Variants in JMJD1C observed in about 807,000 individuals in gnomAD.
The protein encoded by JMJD1C is jumonji domain-containing protein 1C.
A neutral mutation model predicts 245.3 loss-of-function variants in JMJD1C; 31 were observed. The observed-to-expected ratio is 0.13, with a 90% CI of 0.09 to 0.17. The LOEUF (loss-of-function observed/expected upper bound fraction) is 0.17. JMJD1C is among the 10% of genes least tolerant of loss of function. The pLI, the probability that JMJD1C is intolerant of heterozygous loss-of-function variation, is 1.00. For synonymous variants in JMJD1C, 1,057 were observed against 1,017.4 expected (o/e 1.04, Z -0.74); for missense variants, 2,691 against 3,000.2 (o/e 0.90, Z 2.41).
At chr10:63,200,434 A>G (rs754282886) in intron 11 of JMJD1C, 42 bp downstream of exon 11, 1 of 1,458,612 alleles carries the variant, frequency 6.9e-7, no homozygotes, top group South Asian at 1.2e-5. Flanking sequence ...CCAATATCAA[A>G]TCAATAAATT....
intron 2 of JMJD1C, among the ~76,000 whole-genome samples, chr10:63,345,490 A>C (rs1943733815): frequency 1.9e-5 from 1 of 51,504 alleles, no homozygotes; most frequent in African/African-American, 5.2e-5. Context: ...CTTTGTCTCA[A>C]AAAAAAAAAA....
chr10:63,219,727 T>C (rs984544800), intron 4 of JMJD1C, 151 bp downstream of exon 4: 1 of 517,808 alleles, frequency 1.9e-6, no homozygotes, highest in South Asian at 3.2e-5. Flanking sequence ...TCAAAATTAT[T>C]ATCACTCTGC....
intron 2 of JMJD1C, among the ~76,000 whole-genome samples, chr10:63,299,452 A>T (rs756407290): frequency 6.7e-6 from 1 of 150,260 alleles, no homozygotes; most frequent in Non-Finnish European, 1.5e-5. Flanking sequence ...TCAGCCTCCC[A>T]AAGTGTTGGG....
At chr10:63,492,069 C>G (rs1339115880) in intron 1 of JMJD1C, among the ~76,000 whole-genome samples, 1 of 152,168 alleles carries the variant, frequency 6.6e-6, no homozygotes, top group Non-Finnish European at 1.5e-5. Flanking sequence ...TCTTTCGAGA[C>G]TTTGTCACCC....
At chr10:63,410,140 C>CAG (rs1949399387) in intron 1 of JMJD1C, among the ~76,000 whole-genome samples, 1 of 152,158 alleles carries the variant, frequency 6.6e-6, no homozygotes, top group African/African-American at 2.4e-5. Flanking sequence ...TAACGACAAG[C>CAG]AGACCCTAGG....
In JMJD1C at chr10:63,281,458, CTTTTTTTTTTTTTTTT is replaced by C. The variant is rs71025144; in HGVS notation, c.334-16710_334-16695del. ...ACAGGCGTGAGCCACTGCGCCTGGCCTTTTTTTTTTTTTTTTTTTTTTTTTTTTTTGAGACGGAGTC... is the reference window on the plus strand; with the variant it reads ...ACAGGCGTGAGCCACTGCGCCTGGCCTTTTTTTTTTTTTTGAGACGGAGTC... On this transcript the variant is annotated intron_variant, in intron 2 of 25. Coordinates refer to ENST00000399262, the MANE Select transcript of JMJD1C (RefSeq NM_032776.3). Among the ~76,000 whole-genome samples the C allele has an allele frequency of 4.0e-3, 259 of 65,406 alleles. 4 individuals are homozygous for C. Among genetic ancestry groups the C allele is most frequent in the African/African-American group, 0.017 (241 of 14,222 alleles). The allele number at this position is 65,406 out of a possible 152,430, so 42.9% of individuals were successfully genotyped here.
At position 63,173,619 on chromosome 10, in the gene JMJD1C, G is replaced by A. The variant is rs919646084; in HGVS notation, c.7401+2678C>T. On this transcript the variant is annotated intron_variant, in intron 24 of 25. Coordinates refer to ENST00000399262, the MANE Select transcript of JMJD1C (RefSeq NM_032776.3). ...CATCTACAGTACTAGCTACTCAGGA[G>A]GGTGTGGTGGGGGGATCACTTGAAC... Among the ~76,000 whole-genome samples, 5 of 152,142 alleles carry A rather than the reference G, an allele frequency of 3.3e-5. No individual in the cohort carries two copies. The East Asian group carries it at 9.6e-4, about 29-fold the overall frequency.
chr10:63,499,324 C>T (rs978769526), intron 1 of JMJD1C, among the ~76,000 whole-genome samples: 1 of 152,234 alleles, frequency 6.6e-6, no homozygotes, highest in Non-Finnish European at 1.5e-5. Flanking sequence ...CACCATTTTG[C>T]ATTCCCAACA....
At chr10:63,226,561 A>G (rs1014113373) in intron 3 of JMJD1C, among the ~76,000 whole-genome samples, 7 of 151,790 alleles carry the variant, frequency 4.6e-5, no homozygotes, top group African/African-American at 1.7e-4. Flanking sequence ...AAAAATTTAA[A>G]TATCAGCCAG....
At chr10:63,198,841 A>AT (rs1845721110) in intron 11 of JMJD1C, 114 bp from the exon 12 acceptor site, 2 of 567,230 alleles carry the variant, frequency 3.5e-6, no homozygotes, top group South Asian at 6.3e-5. Flanking sequence ...TATGAATTAC[A>AT]TTAAAAACAG....
At position 63,391,995 on chromosome 10, in the gene JMJD1C, G is replaced by A. The variant is rs529176421; in HGVS notation, c.169-11513C>T. Among the ~76,000 whole-genome samples the A allele has an allele frequency of 6.4e-4, 97 of 152,258 alleles. 1 individual carries two copies. In the South Asian group the frequency reaches 0.02, roughly 31 times the overall value. ...AAACCAAAAGTAAAAGTTGCTAACA[G>A]TGTAACATGTATTTAAAACCACTGA... On this transcript the variant is annotated intron_variant, in intron 1 of 25. Transcript: ENST00000399262.
At chr10:63,259,638 G>A (rs1854443338) in intron 3 of JMJD1C, among the ~76,000 whole-genome samples, 1 of 152,148 alleles carries the variant, frequency 6.6e-6, no homozygotes, top group African/African-American at 2.4e-5. Context: ...TACAGAAATA[G>A]ATAAACAATC....
chr10:63,358,280 TACA>T (rs1345947278), intron 2 of JMJD1C, among the ~76,000 whole-genome samples: 5 of 152,236 alleles, frequency 3.3e-5, no homozygotes, highest in African/African-American at 1.2e-4. Context: ...AGAAAAGTTC[TACA>T]ACATCATAGA....
intron 2 of JMJD1C, among the ~76,000 whole-genome samples, chr10:63,359,657 A>G (rs1432105779): frequency 1.3e-5 from 2 of 152,154 alleles, no homozygotes; most frequent in African/African-American, 4.8e-5. Flanking sequence ...TCTAGTTGAA[A>G]TGTTTCTTTT....
intron 3 of JMJD1C, among the ~76,000 whole-genome samples, chr10:63,220,641 A>G (rs912903048): frequency 1.3e-5 from 2 of 152,182 alleles, no homozygotes; most frequent in African/African-American, 4.8e-5. Flanking sequence ...TGAATCATAC[A>G]GTCACGTGAT....
intron 1 of JMJD1C, among the ~76,000 whole-genome samples, chr10:63,433,721 T>C (rs1950910227): frequency 6.6e-6 from 1 of 151,040 alleles, no homozygotes; most frequent in Admixed American, 6.6e-5. Flanking sequence ...AAGTAGCTGA[T>C]ACTACACACG....
chr10:63,440,860 A>T (rs2132926791), intron 1 of JMJD1C, among the ~76,000 whole-genome samples: 1 of 152,280 alleles, frequency 6.6e-6, no homozygotes, highest in African/African-American at 2.4e-5. Context: ...AATTCATATA[A>T]CAACCCTTTT....
intron 1 of JMJD1C, among the ~76,000 whole-genome samples, chr10:63,479,288 G>A (rs1462799228): frequency 6.9e-6 from 1 of 144,934 alleles, no homozygotes; most frequent in South Asian, 2.1e-4. Flanking sequence ...TTTTTTTTTG[G>A]CTGGAATGTT....
intron 1 of JMJD1C, among the ~76,000 whole-genome samples, chr10:63,471,931 G>A (rs1172844530): frequency 2.6e-5 from 4 of 152,036 alleles, no homozygotes; most frequent in African/African-American, 4.8e-5. Flanking sequence ...CCAACTACTC[G>A]GGAGGCTAAG....
Sources: gnomAD v4.1 joint callset for allele counts (sites outside exome capture counted in the v4.1 genomes callset) on GRCh38, gnomAD v4.1.1 for gene constraint, MANE v1.5 for transcripts, NCBI Gene and HGNC (gene_info 2026-07-23, HGNC 2026-07-21) for gene names.